The following CATSPERB variants were observed in gnomAD, a reference collection of about 807,000 sequenced individuals.
CATSPERB encodes catsper channel auxiliary subunit beta.
In CATSPERB, 93 loss-of-function variants were observed where a neutral mutation model predicts 128.3. That is an observed-to-expected ratio of 0.72 (90% CI 0.61 to 0.86). CATSPERB has a LOEUF of 0.86. CATSPERB is among the 40% of genes least tolerant of loss of function. The probability of loss-of-function intolerance (pLI) is 0.00; values close to 1 mark genes in which losing one functional copy is unlikely to be tolerated. For missense variants in CATSPERB, 1,153 were observed against 1,329.5 expected (o/e 0.87, Z 2.06); for synonymous variants, 381 against 448.8 (o/e 0.85, Z 1.91).
intron 4 of CATSPERB, among the ~76,000 whole-genome samples, chr14:91,722,138 A>T (rs1426995391): frequency 6.6e-6 from 1 of 152,230 alleles, no homozygotes. Flanking sequence ...GCATTTTCTC[A>T]AAAGGTCAAA....
intron 15 of CATSPERB, among the ~76,000 whole-genome samples, chr14:91,651,582 A>G (rs923731499): frequency 6.6e-6 from 1 of 152,134 alleles, no homozygotes; most frequent in Non-Finnish European, 1.5e-5. Flanking sequence ...TAGTGGTGGG[A>G]TTCTGGGACT....
intron 14 of CATSPERB, among the ~76,000 whole-genome samples, chr14:91,660,193 T>C (rs2139821203): frequency 6.6e-6 from 1 of 152,132 alleles, no homozygotes; most frequent in East Asian, 1.9e-4. Flanking sequence ...ATTTCCATCC[T>C]AGAGTGTGTA....
intron 10 of CATSPERB, among the ~76,000 whole-genome samples, chr14:91,690,190 G>A (rs1296678648): frequency 3.3e-5 from 5 of 152,002 alleles, no homozygotes; most frequent in Admixed American, 1.3e-4. Context: ...ACAGCATTTC[G>A]TCATATTGGC....
intron 4 of CATSPERB, 66 bp from the exon 5 acceptor site, chr14:91,719,544 G>A: frequency 2.4e-6 from 3 of 1,225,598 alleles, no homozygotes; most frequent in Admixed American, 1.9e-5. Context: ...CACATTCTAT[G>A]CTATATTTTT....
chr14:91,715,529 G>T (rs1482486581), intron 5 of CATSPERB, among the ~76,000 whole-genome samples: 2 of 134,300 alleles, frequency 1.5e-5, no homozygotes, highest in East Asian at 2.2e-4. Context: ...TCCAGCCTGG[G>T]CAATAAGAGT....
At chr14:91,615,477 C>T (rs1177545579) in intron 20 of CATSPERB, among the ~76,000 whole-genome samples, 1 of 152,176 alleles carries the variant, frequency 6.6e-6, no homozygotes, top group East Asian at 1.9e-4. Flanking sequence ...AGCTCTGTAA[C>T]CACCATTTTG....
At chr14:91,606,234 T>A (rs771164321) in intron 22 of CATSPERB, among the ~76,000 whole-genome samples, 1 of 152,096 alleles carries the variant, frequency 6.6e-6, no homozygotes, top group Non-Finnish European at 1.5e-5. Flanking sequence ...TAGTTTCTGA[T>A]GCAGTAGCTA....
chr14:91,603,512 T>C (rs1363058979), intron 22 of CATSPERB: 2 of 959,076 alleles, frequency 2.1e-6, no homozygotes, highest in East Asian at 4.8e-5. Context: ...GCAGCTGAAA[T>C]GCCGGCCAGC....
rs760921106 is a variant in CATSPERB at position 91,591,906 on chromosome 14, C to T, written c.2806G>A (p.Asp936Asn). The T allele has an allele frequency of 2.0e-5, 32 of 1,612,214 alleles. No homozygotes were observed. Among genetic ancestry groups the T allele is most frequent in the Non-Finnish European group, 2.2e-5 (26 of 1,178,522 alleles). ...AATGATCTTACTTTTTCCCTGCAAT[C>T]CGAGAAAGCAACAGCATGTGAAAAC... ...QKFSHAVAFS[D>N]CREKVPRFKF... The change falls in exon 23 of 27, where the codon GAT (aspartate) becomes AAT (asparagine). Residue 936 changes from aspartate to asparagine, a missense_variant. Physicochemically the swap from Asp to Asn is conservative, Grantham distance 23. Coordinates refer to ENST00000256343, the MANE Select transcript of CATSPERB (RefSeq NM_024764.4).
chr14:91,594,749 A>C (rs980265776), intron 22 of CATSPERB, among the ~76,000 whole-genome samples: 2 of 152,156 alleles, frequency 1.3e-5, no homozygotes, highest in African/African-American at 4.8e-5. Flanking sequence ...GAGAAAAAAT[A>C]AAAAATTAAA....
intron 5 of CATSPERB, among the ~76,000 whole-genome samples, chr14:91,715,637 T>A (rs1895926245): frequency 6.6e-6 from 1 of 151,436 alleles, no homozygotes; most frequent in Non-Finnish European, 1.5e-5. Flanking sequence ...TAAAAATCAC[T>A]GCAGGATTTT....
chr14:91,726,530 G>T (rs938602250), intron 2 of CATSPERB, among the ~76,000 whole-genome samples: 1 of 152,188 alleles, frequency 6.6e-6, no homozygotes, highest in Non-Finnish European at 1.5e-5. Context: ...ATAGGTCACT[G>T]GTGAAAAAGA....
chr14:91,688,563 A>C (rs192927915), intron 10 of CATSPERB, among the ~76,000 whole-genome samples: 249 of 152,044 alleles, frequency 1.6e-3, no homozygotes, highest in Middle Eastern at 6.8e-3. Flanking sequence ...TCTTTTGCTC[A>C]CCTGTTAGCC....
chr14:91,722,939 T>C, intron 4 of CATSPERB, 110 bp downstream of exon 4: 1 of 793,904 alleles, frequency 1.3e-6, no homozygotes, highest in Middle Eastern at 4.3e-4. Flanking sequence ...GCTTAAAACA[T>C]ACATAGATGT....
In CATSPERB at chr14:91,581,164, G is replaced by T. The variant is rs1164117363; in HGVS notation, c.3133-57C>A. On this transcript the variant is annotated intron_variant, in intron 26 of 26. Transcript: ENST00000256343. ...TCTGAATTTAGCAATGCAAAACACT[G>T]AAAATTTAATGTTCCCCACAATTAA... 3 of 1,386,246 alleles carry T rather than the reference G, an allele frequency of 2.2e-6. No individual in the cohort carries two copies. The Admixed American group carries it at 6.1e-5, about 28-fold the overall frequency. 85.9% of individuals were successfully genotyped at this position (1,386,246 alleles called of 1,614,324 possible).
chr14:91,604,941 C>T (rs1247624492), intron 22 of CATSPERB: 2 of 1,185,584 alleles, frequency 1.7e-6, no homozygotes, highest in East Asian at 4.7e-5. Context: ...TTGGAAAGTT[C>T]TTGCATCTGC....
At chr14:91,723,896 A>G (rs1160099595) in intron 3 of CATSPERB, among the ~76,000 whole-genome samples, 1 of 152,166 alleles carries the variant, frequency 6.6e-6, no homozygotes, top group Non-Finnish European at 1.5e-5. Context: ...TTGGTAGAGA[A>G]TGAAGGAAAA....
chr14:91,662,282 GC>G (rs1462689486), intron 14 of CATSPERB, among the ~76,000 whole-genome samples: 2 of 151,652 alleles, frequency 1.3e-5, no homozygotes, highest in Admixed American at 1.3e-4. Context: ...ACTTATTTTT[GC>G]TCCTTGTAAA....
intron 26 of CATSPERB, 125 bp from the exon 27 acceptor site, chr14:91,581,232 A>T: frequency 1.4e-6 from 1 of 727,262 alleles, no homozygotes; most frequent in East Asian, 2.7e-5. Context: ...GACATTCAGC[A>T]TCCACAAAGC....
Sources: gnomAD v4.1 joint callset for allele counts (sites outside exome capture counted in the v4.1 genomes callset) on GRCh38, gnomAD v4.1.1 for gene constraint, MANE v1.5 for transcripts, NCBI Gene and HGNC (gene_info 2026-07-23, HGNC 2026-07-21) for gene names.